The following SLC7A2 variants were observed in gnomAD, a reference collection of about 807,000 sequenced individuals.
SLC7A2 encodes the protein cationic amino acid transporter 2.
SLC7A2 carries 48 observed loss-of-function variants against 58.9 expected under a neutral mutation model. The observed-to-expected ratio is 0.82, with a 90% CI of 0.65 to 1.04. The LOEUF is 1.04. Among genes scored for constraint, SLC7A2 ranks in the 50% least tolerant of loss-of-function variants. SLC7A2 has a pLI of 0.00. For synonymous variants in SLC7A2, 363 were observed against 314.5 expected (o/e 1.15, Z -1.63); for missense variants, 1,029 against 818.8 (o/e 1.26, Z -3.13).
intron 2 of SLC7A2, among the ~76,000 whole-genome samples, chr8:17,510,438 C>T (rs929015144): frequency 6.6e-6 from 1 of 152,308 alleles, no homozygotes; most frequent in Admixed American, 6.5e-5. Context: ...AACTAATTTA[C>T]ATTCCCACCA....
intron 2 of SLC7A2, among the ~76,000 whole-genome samples, chr8:17,528,534 C>T (rs982673123): frequency 6.6e-6 from 1 of 151,926 alleles, no homozygotes; most frequent in East Asian, 1.9e-4. Flanking sequence ...ACTACAGGTG[C>T]GCATCACCAT....
At chr8:17,530,240 CAGAG>C (rs1467311578) in intron 2 of SLC7A2, among the ~76,000 whole-genome samples, 3 of 152,176 alleles carry the variant, frequency 2.0e-5, no homozygotes, top group Non-Finnish European at 2.9e-5. Flanking sequence ...CAGGAGCTGA[CAGAG>C]AGGATAAGAA....
At chr8:17,508,231 C>G (rs2588211) in intron 2 of SLC7A2, among the ~76,000 whole-genome samples, 150,835 of 152,334 alleles carry the variant, frequency 0.99, 74,687 homozygotes, top group East Asian at 1. Context: ...CATTTTTTCT[C>G]TACTGAAATG....
rs572294431 is a variant in SLC7A2, at chr8:17,556,003, G to T, written c.1195+1304G>T. On this transcript the variant is annotated intron_variant, in intron 8 of 12. Coordinates refer to ENST00000494857, the MANE Select transcript of SLC7A2 (RefSeq NM_001370338.1). The stretch of plus-strand genomic sequence containing the variant: ...GGAAATTAGCTTAGAAAAAGCTAGT[G>T]CTTCATTCTGTGTAAAATGGAATTT... 7.9e-5 allele frequency among the ~76,000 whole-genome samples: 12 copies of T among 152,286 alleles called. No homozygotes were observed. The East Asian group carries it at 2.3e-3, about 29-fold the overall frequency.
At chr8:17,519,888 C>A (rs1563444369) in intron 2 of SLC7A2, among the ~76,000 whole-genome samples, 1 of 152,078 alleles carries the variant, frequency 6.6e-6, no homozygotes, top group African/African-American at 2.4e-5. Context: ...AGGAGAGCAC[C>A]CTGCTTCTTC....
Position 17,570,384 on chromosome 8 carries a change from G to A in SLC7A2, c.*5238G>A, listed in dbSNP as rs993803302. ...ACAAAGGCATTGGACTTGTGTGAAT[G>A]TACAGGGTTTTTTTAGTAGTAATTT... On this transcript the variant is annotated 3_prime_UTR_variant, in exon 13 of 13. Transcript: ENST00000494857. The A allele has an allele frequency of 6.6e-6, 1 of 152,588 alleles. No homozygotes were observed. Among genetic ancestry groups the A allele is most frequent in the Non-Finnish European group, 1.5e-5 (1 of 68,024 alleles). 9.5% of individuals were successfully genotyped at this position (152,588 alleles called of 1,614,324 possible).
chr8:17,534,908 G>T (rs1563456671), intron 2 of SLC7A2, among the ~76,000 whole-genome samples: 2 of 152,038 alleles, frequency 1.3e-5, no homozygotes, highest in South Asian at 4.2e-4. Context: ...TGACTCTCAA[G>T]GTGGAGAAGC....
intron 2 of SLC7A2, among the ~76,000 whole-genome samples, chr8:17,521,463 C>A (rs180679174): frequency 6.6e-6 from 1 of 152,332 alleles, no homozygotes; most frequent in South Asian, 2.1e-4. Flanking sequence ...TTTCTGTAAA[C>A]GTCTTGGTTA....
intron 8 of SLC7A2, among the ~76,000 whole-genome samples, chr8:17,555,625 C>G (rs1054220919): frequency 6.6e-6 from 1 of 151,878 alleles, no homozygotes; most frequent in African/African-American, 2.4e-5. Flanking sequence ...TGGTGGGCAT[C>G]CTTGCTTCCA....
chr8:17,496,443 TATC>T (rs1799959976), upstream of SLC7A2, among the ~76,000 whole-genome samples: 1 of 152,232 alleles, frequency 6.6e-6, no homozygotes, highest in African/African-American at 2.4e-5. Flanking sequence ...GACTTAATCT[TATC>T]AGAGACTCCT....
At chr8:17,560,676 C>G in intron 10 of SLC7A2, 143 bp downstream of exon 10, 1 of 658,548 alleles carries the variant, frequency 1.5e-6, no homozygotes, top group East Asian at 2.6e-5. Flanking sequence ...TAAAGCATCA[C>G]CAGTGGTTGA....
At chr8:17,558,254 C>T (rs777786211) in intron 8 of SLC7A2, 41 bp from the exon 9 acceptor site, 1 of 1,316,314 alleles carries the variant, frequency 7.6e-7, no homozygotes, top group Non-Finnish European at 1.1e-6. Context: ...GGAATTTCCT[C>T]CTGGGCCGTT....
intron 12 of SLC7A2, among the ~76,000 whole-genome samples, chr8:17,564,688 A>G (rs1803179175): frequency 1.3e-5 from 2 of 152,262 alleles, no homozygotes; most frequent in African/African-American, 4.8e-5. Context: ...GACAGGAGGC[A>G]GAGCTCAGGT....
Position 17,515,572 on chromosome 8 carries a change from C to T in SLC7A2, c.-23+13270C>T, listed in dbSNP as rs113659279. ...CCTCCCATACTGCTGGGATTACAGG[C>T]GTGAGCCACTGTGCCCTGCCTGATT... On this transcript the variant is annotated intron_variant, in intron 2 of 12. Coordinates refer to ENST00000494857, the MANE Select transcript of SLC7A2 (RefSeq NM_001370338.1). Among the ~76,000 whole-genome samples the T allele has an allele frequency of 3.7e-3, 564 of 152,190 alleles. 3 individuals carry two copies. Among genetic ancestry groups the T allele is most frequent in the Non-Finnish European group, 6.7e-3 (458 of 68,002 alleles).
At chr8:17,520,820 T>TGG (rs770557537) in intron 2 of SLC7A2, 44 of 482,784 alleles carry the variant, frequency 9.1e-5, no homozygotes, top group Non-Finnish European at 1.1e-4. Flanking sequence ...AGCAGCATGT[T>TGG]TATTTTGTAC....
rs1234836858 is a variant in SLC7A2 at position 17,551,900 on chromosome 8, C to A, written c.969C>A (p.Ser323Arg). 6 of 1,613,956 alleles carry A rather than the reference C, an allele frequency of 3.7e-6. No individual in the cohort carries two copies. The highest frequency in any genetic ancestry group is 5.1e-6 in the Non-Finnish European group (6 of 1,179,996). ...CGTACTACCTCCTCGATGAAAAAAG[C>A]CCCCTTCCTGTAGCGTTTGAATATG... ...MMPYYLLDEK[S>R]PLPVAFEYVG... Residue 323 changes from serine to arginine, a missense_variant, in exon 7 of 13, where the codon AGC becomes AGA. Transcript: ENST00000494857.
intron 8 of SLC7A2, among the ~76,000 whole-genome samples, chr8:17,555,371 T>C (rs1802649719): frequency 1.3e-5 from 2 of 152,194 alleles, no homozygotes; most frequent in Non-Finnish European, 2.9e-5. Flanking sequence ...CTTCACTAAA[T>C]ATTATGAATT....
chr8:17,508,701 A>C (rs1294991652), intron 2 of SLC7A2, among the ~76,000 whole-genome samples: 2 of 152,132 alleles, frequency 1.3e-5, no homozygotes, highest in African/African-American at 2.4e-5. Flanking sequence ...GAGACAGAGC[A>C]AGACTCTGTC....
chr8:17,499,793 A>C (rs2517218), intron 1 of SLC7A2, among the ~76,000 whole-genome samples: 146,566 of 152,172 alleles, frequency 0.96, 70,786 homozygotes, highest in East Asian at 1. Flanking sequence ...AATTTCTAAA[A>C]CTTTAATCTG....
Sources: allele counts gnomAD v4.1 joint callset (sites outside exome capture counted in the v4.1 genomes callset), GRCh38; gene constraint gnomAD v4.1.1; transcripts MANE v1.5; gene names NCBI Gene and HGNC (gene_info 2026-07-23, HGNC 2026-07-21).